Variants in CLDN10 observed in about 807,000 individuals in gnomAD.
CLDN10 encodes claudin-10.
In CLDN10, 15 loss-of-function variants were observed where a neutral mutation model predicts 22.9. The observed-to-expected ratio is 0.65, with a 90% confidence interval of 0.44 to 1.01. The LOEUF (loss-of-function observed/expected upper bound fraction) is 1.01. Among genes scored for constraint, CLDN10 ranks in the 50% least tolerant of loss-of-function variants. The pLI, the probability that CLDN10 is intolerant of heterozygous loss-of-function variation, is 0.00. For synonymous variants in CLDN10, 114 were observed against 111.4 expected (o/e 1.02, Z -0.15); for missense variants, 247 against 287.8 (o/e 0.86, Z 1.03).
chr13:95,483,640 G>A (rs1007670614), intron 1 of CLDN10, among the ~76,000 whole-genome samples: 4 of 152,242 alleles, frequency 2.6e-5, no homozygotes, highest in Admixed American at 1.3e-4. Flanking sequence ...GGGCAGAGCA[G>A]TGACGTTGAG....
intron 1 of CLDN10, among the ~76,000 whole-genome samples, chr13:95,501,444 G>A (rs1353103071): frequency 1.3e-5 from 2 of 152,208 alleles, no homozygotes; most frequent in East Asian, 3.8e-4. Flanking sequence ...CTCCCAAGTA[G>A]CTGGGACTAC....
intron 1 of CLDN10, among the ~76,000 whole-genome samples, chr13:95,537,986 AT>A (rs1406372252): frequency 6.6e-6 from 1 of 152,208 alleles, no homozygotes; most frequent in Non-Finnish European, 1.5e-5. Context: ...ATGAGGGCAA[AT>A]GCAGAGCTAA....
chr13:95,567,063 C>T (rs558601924), intron 3 of CLDN10, among the ~76,000 whole-genome samples: 1 of 152,256 alleles, frequency 6.6e-6, no homozygotes, highest in South Asian at 2.1e-4. Context: ...GTGATGCCTC[C>T]AGCTTTGTTC....
At chr13:95,550,142 AGT>A (rs2043548766), upstream of CLDN10, among the ~76,000 whole-genome samples, 1 of 152,214 alleles carries the variant, frequency 6.6e-6, no homozygotes, top group South Asian at 2.1e-4. Flanking sequence ...CAGAGAGAAG[AGT>A]GTTCCAAGCA....
rs2043584161 is a variant in CLDN10 at position 95,552,873 on chromosome 13, C to T, written c.120C>T (p.Ile40=). ...WKVSTIDGTV[I]TTATYWANLW... ...TGTCTACCATCGACGGCACGGTCAT[C>T]ACAACCGCCACCTATTGGGCCAACC... The change falls in exon 1 of 5, where the codon ATC becomes ATT. Residue 40 remains isoleucine (I), a synonymous_variant. Coordinates refer to ENST00000299339, the MANE Select transcript of CLDN10 (RefSeq NM_006984.5). 2 of 1,614,058 alleles carry T rather than the reference C, an allele frequency of 1.2e-6. No individual in the cohort carries two copies. The highest frequency in any genetic ancestry group is 2.2e-5 in the South Asian group (2 of 91,096).
At chr13:95,449,332 A>G (rs76947042) in intron 1 of CLDN10, among the ~76,000 whole-genome samples, 12,504 of 151,946 alleles carry the variant, frequency 0.082, 760 homozygotes, top group South Asian at 0.22. Flanking sequence ...GCTCACTGCA[A>G]ACTTCATCTC....
At chr13:95,447,110 C>T (rs938919096) in intron 1 of CLDN10, among the ~76,000 whole-genome samples, 6 of 152,156 alleles carry the variant, frequency 3.9e-5, no homozygotes, top group African/African-American at 1.4e-4. Flanking sequence ...AAAAACGACC[C>T]GCCATCCTAC....
chr13:95,471,250 C>G (rs1196005484), intron 1 of CLDN10, among the ~76,000 whole-genome samples: 1 of 151,740 alleles, frequency 6.6e-6, no homozygotes, highest in East Asian at 1.9e-4. Flanking sequence ...GTGACTGTCT[C>G]GAGATGACTC....
chr13:95,509,705 C>T (rs1000364667), intron 1 of CLDN10, among the ~76,000 whole-genome samples: 5 of 152,118 alleles, frequency 3.3e-5, no homozygotes. Flanking sequence ...ATTCCAGTCC[C>T]CTCTGGACTC....
chr13:95,569,785 T>C (rs2043831782), intron 3 of CLDN10, among the ~76,000 whole-genome samples: 5 of 151,872 alleles, frequency 3.3e-5, no homozygotes. Context: ...CGCCTTTTTT[T>C]TGAGACGGAG....
intron 1 of CLDN10, among the ~76,000 whole-genome samples, chr13:95,518,822 G>T (rs1349189000): frequency 6.6e-6 from 1 of 152,142 alleles, no homozygotes; most frequent in African/African-American, 2.4e-5. Context: ...CCTGATGACT[G>T]CTCTAAGACA....
At chr13:95,546,880 T>C (rs1034161275) in intron 1 of CLDN10, among the ~76,000 whole-genome samples, 5 of 152,152 alleles carry the variant, frequency 3.3e-5, no homozygotes, top group African/African-American at 1.2e-4. Context: ...TTTATCTTTA[T>C]TTCTTGCCCC....
At chr13:95,481,785 C>T (rs140288727) in intron 1 of CLDN10, among the ~76,000 whole-genome samples, 1,529 of 152,130 alleles carry the variant, frequency 0.01, 44 homozygotes, top group East Asian at 0.077. Context: ...TTTGGGAAGC[C>T]GAAGTGAGTG....
At chr13:95,537,317 C>A in intron 1 of CLDN10, among the ~76,000 whole-genome samples, 1 of 152,108 alleles carries the variant, frequency 6.6e-6, no homozygotes, top group East Asian at 1.9e-4. Flanking sequence ...GTTGCCAGAG[C>A]TGGAAACATT....
intron 1 of CLDN10, among the ~76,000 whole-genome samples, chr13:95,532,809 A>G (rs950738979): frequency 1.3e-5 from 2 of 151,006 alleles, no homozygotes; most frequent in Non-Finnish European, 3.0e-5. Context: ...AAAAAAAAAA[A>G]AAAAAGAAGA....
intron 1 of CLDN10, among the ~76,000 whole-genome samples, chr13:95,489,037 C>T (rs1260451100): frequency 3.3e-5 from 5 of 150,116 alleles, no homozygotes; most frequent in Non-Finnish European, 5.9e-5. Context: ...CTGCAACCTC[C>T]GGCTCCTGGG....
intron 3 of CLDN10, among the ~76,000 whole-genome samples, chr13:95,563,622 A>G (rs975247932): frequency 6.6e-6 from 1 of 152,204 alleles, no homozygotes; most frequent in Admixed American, 6.5e-5. Context: ...CCTTTCACAA[A>G]GAAAGGTCCT....
In CLDN10 at chr13:95,484,294, G is replaced by A. The variant is rs144024730; in HGVS notation, c.214+50247G>A. Among the ~76,000 whole-genome samples, 523 of 152,220 alleles carry A rather than the reference G, an allele frequency of 3.4e-3. 2 individuals carry two copies. Among genetic ancestry groups the A allele is most frequent in the African/African-American group, 0.012 (496 of 41,520 alleles). ...TGATGTCCTTCACTGTCCTTTCTGG[G>A]CAGCATATCACAGTATCCACTGCAC... On this transcript the variant is annotated intron_variant, in intron 1 of 4. Transcript: ENST00000376873.
chr13:95,525,900 T>C (rs2138593948), intron 1 of CLDN10, among the ~76,000 whole-genome samples: 1 of 152,306 alleles, frequency 6.6e-6, no homozygotes, highest in African/African-American at 2.4e-5. Flanking sequence ...CGCCTGTACT[T>C]TCCCATGCAG....
Sources: gnomAD v4.1 joint callset for allele counts (sites outside exome capture counted in the v4.1 genomes callset) on GRCh38, gnomAD v4.1.1 for gene constraint, MANE v1.5 for transcripts, NCBI Gene and HGNC (gene_info 2026-07-23, HGNC 2026-07-21) for gene names.